The following ODF2 variants were observed in gnomAD, a reference collection of about 807,000 sequenced individuals.
ODF2 encodes the protein outer dense fiber protein 2.
Under a neutral mutation model 110.2 loss-of-function variants are expected in ODF2, and 47 were observed. That is an observed-to-expected ratio of 0.43 (90% confidence interval 0.34 to 0.54). ODF2 has a LOEUF of 0.54. Among genes scored for constraint, ODF2 ranks in the 20% least tolerant of loss-of-function variants. The pLI is 0.03. For missense variants in ODF2, 812 were observed against 1,054.5 expected, an observed-to-expected ratio of 0.77 and a Z score of 3.19; for synonymous variants, 352 against 397.7, an observed-to-expected ratio of 0.89 and a Z score of 1.37.
intron 4 of ODF2, among the ~76,000 whole-genome samples, chr9:128,467,218 G>C (rs1332187710): frequency 1.3e-5 from 2 of 150,502 alleles, no homozygotes; most frequent in African/African-American, 2.4e-5. Context: ...CTAGGCTACA[G>C]ACCTCTACAG....
chr9:128,492,602 T>A, intron 15 of ODF2, 66 bp downstream of exon 15: 1 of 1,507,790 alleles, frequency 6.6e-7, no homozygotes, highest in Non-Finnish European at 9.2e-7. Flanking sequence ...GACTGGGGGC[T>A]CCCTACCAGG....
At chr9:128,478,540 G>C (rs1212481142) in intron 8 of ODF2, among the ~76,000 whole-genome samples, 1 of 151,816 alleles carries the variant, frequency 6.6e-6, no homozygotes, top group African/African-American at 2.4e-5. Context: ...AGAGGTTACA[G>C]TGAGCCAAGA....
At chr9:128,478,291 A>G (rs1485305940) in intron 8 of ODF2, among the ~76,000 whole-genome samples, 1 of 152,202 alleles carries the variant, frequency 6.6e-6, no homozygotes, top group Non-Finnish European at 1.5e-5. Context: ...TGACAGAGCC[A>G]GACACTATCT....
intron 4 of ODF2, among the ~76,000 whole-genome samples, chr9:128,466,788 T>A (rs1838045703): frequency 6.7e-6 from 1 of 148,570 alleles, no homozygotes; most frequent in Non-Finnish European, 1.5e-5. Flanking sequence ...CCATCCTGGC[T>A]AACACAGTGA....
At chr9:128,456,902 C>T in intron 1 of ODF2, 1 of 1,274,694 alleles carries the variant, frequency 7.8e-7, no homozygotes, top group Non-Finnish European at 1.0e-6. Context: ...TCTCGGGCAT[C>T]TGTTCTTCCG....
At chr9:128,456,547 G>A (rs1424692910) in intron 1 of ODF2, 1 of 1,527,568 alleles carries the variant, frequency 6.5e-7, no homozygotes, top group Non-Finnish European at 8.7e-7. Flanking sequence ...TTCTCTCTAT[G>A]GGCAGAAACC....
At chr9:128,456,891 C>T in intron 1 of ODF2, 1 of 1,290,776 alleles carries the variant, frequency 7.7e-7, no homozygotes, top group Non-Finnish European at 9.9e-7. Flanking sequence ...ACTATTGGTC[C>T]TCTCGGGCAT....
At chr9:128,495,334 T>C (rs1229022341) in intron 17 of ODF2, among the ~76,000 whole-genome samples, 1 of 152,228 alleles carries the variant, frequency 6.6e-6, no homozygotes, top group Non-Finnish European at 1.5e-5. Flanking sequence ...GTGCATGTGT[T>C]ATTTTCCCCA....
intron 3 of ODF2, 99 bp downstream of exon 2, chr9:128,459,756 C>G: frequency 1.2e-6 from 1 of 814,206 alleles, no homozygotes; most frequent in South Asian, 1.5e-5. Flanking sequence ...TGGGCACCAT[C>G]GCCGCCCAGT....
intron 18 of ODF2, chr9:128,497,798 C>T (rs1845922698): frequency 6.6e-6 from 1 of 152,244 alleles, no homozygotes; most frequent in South Asian, 2.1e-4. Context: ...CAGGCTCCAC[C>T]TCTGCTCTGC....
downstream of ODF2, chr9:128,500,567 T>C: frequency 3.9e-6 from 1 of 254,902 alleles, no homozygotes; most frequent in Non-Finnish European, 7.5e-6. Context: ...CCTGAGAAAA[T>C]ATTTCCACTG....
In ODF2 at chr9:128,485,227, C is replaced by T. The variant is rs1588926344; in HGVS notation, c.1291-138C>T. On this transcript the variant is annotated intron_variant, in intron 12 of 20. Transcript: ENST00000604420. The surrounding 1 kb of genome is among the most constrained non-coding windows in gnomAD (Gnocchi z 5.0). ...GCTGGGCTCCCACTGTTGCTTCCAG[C>T]GCCCTCTAGAAAGGTGAATTCCAGA... is the stretch of plus-strand genomic sequence containing the variant. The T allele has an allele frequency of 1.6e-5, 10 of 618,694 alleles. No individual in the cohort carries two copies. The highest frequency in any genetic ancestry group is 5.8e-5 in the Admixed American group (2 of 34,330). The allele number at this position is 618,694 out of a possible 1,614,324, so 38.3% of individuals were successfully genotyped here.
chr9:128,484,621 C>T (rs1843028979), intron 11 of ODF2, 80 bp from the exon 12 acceptor site: 4 of 1,446,110 alleles, frequency 2.8e-6, no homozygotes, highest in Non-Finnish European at 1.9e-6. Flanking sequence ...TCCTCCCTTT[C>T]TCCTTCACCC....
rs531294684 is a variant in ODF2, at chr9:128,471,718, A to G, written c.581+250A>G. Among the ~76,000 whole-genome samples, 26 of 152,204 alleles carry G rather than the reference A, an allele frequency of 1.7e-4. No homozygotes were observed. The South Asian group carries it at 5.2e-3, about 30-fold the overall frequency. ...TGGGTAGCAGGGAACTGTTTCTGGA[A>G]CAAGTGATATTTAAGGGGTGTCCTG... On this transcript the variant is annotated intron_variant, in intron 6 of 20. Coordinates refer to ENST00000604420, the Ensembl canonical transcript of ODF2.
intron 20 of ODF2, among the ~76,000 whole-genome samples, chr9:128,499,392 C>T (rs1230861917): frequency 6.6e-6 from 1 of 152,066 alleles, no homozygotes; most frequent in African/African-American, 2.4e-5. Flanking sequence ...TTCATATGAT[C>T]CCCACCCCAC....
At chr9:128,497,467 ATATATATATATATATATATG>A in intron 18 of ODF2, 2 of 109,988 alleles carry the variant, frequency 1.8e-5, no homozygotes, top group Non-Finnish European at 3.6e-5. Context: ...ATATATATAT[ATATATATATATATATATATG>A]TATAAAATTA....
intron 14 of ODF2, among the ~76,000 whole-genome samples, chr9:128,489,282 T>C (rs1268935602): frequency 1.3e-5 from 2 of 152,224 alleles, no homozygotes; most frequent in Non-Finnish European, 2.9e-5. Context: ...TTGTTTTTTC[T>C]TGTTAAGATT....
In ODF2 at chr9:128,499,134, A is replaced by G; in HGVS notation, c.2301+8A>G. ...CGGCGGAGCCGTGATGATGTGAGTC[A>G]GGCTGGTGGGCCGGGCTAGGAGAGT... On this transcript the variant is annotated splice_region_variant and intron_variant, in intron 20 of 20. Coordinates refer to ENST00000604420, the Ensembl canonical transcript of ODF2. 6.2e-7 allele frequency: 1 copy of G among 1,614,104 alleles called. No individual in the cohort carries two copies. The highest frequency in any genetic ancestry group is 1.1e-5 in the South Asian group (1 of 91,082).
Position 128,485,505 on chromosome 9 carries a change from C to A in ODF2, c.1400+31C>A. On this transcript the variant is annotated intron_variant, in intron 13 of 20. Transcript: ENST00000604420. This position sits in a 1 kb window ranked among gnomAD's most constrained non-coding sequence, Gnocchi z 5.0. ...TCTTAGAGTAGGAGAGGGAATGTGG[C>A]GCTGTTGAGGGACTTGGGTGTGCAG... is the stretch of plus-strand genomic sequence containing the variant. The A allele has an allele frequency of 7.8e-7, 1 of 1,276,204 alleles. No individual in the cohort carries two copies. 79.1% of individuals were successfully genotyped at this position (1,276,204 alleles called of 1,614,324 possible).
Sources: allele counts gnomAD v4.1 joint callset (sites outside exome capture counted in the v4.1 genomes callset), GRCh38; gene constraint gnomAD v4.1.1; non-coding constraint Gnocchi (gnomAD v3.1); transcripts MANE v1.5; gene names NCBI Gene and HGNC (gene_info 2026-07-23, HGNC 2026-07-21).